The following AGBL1 variants were observed in gnomAD, a reference collection of about 807,000 sequenced individuals.
The protein encoded by AGBL1 is cytosolic carboxypeptidase 4.
In AGBL1, 130 loss-of-function variants were observed where a neutral mutation model predicts 118.9. The observed-to-expected ratio is 1.09, with a 90% confidence interval of 0.95 to 1.26. AGBL1 has a LOEUF of 1.26. AGBL1 is among the 50% of genes most tolerant of loss of function. AGBL1 has a pLI of 0.00. For missense variants in AGBL1, 1,584 were observed against 1,298.1 expected, an observed-to-expected ratio of 1.22 and a Z score of -3.38; for synonymous variants, 555 against 478.9, an observed-to-expected ratio of 1.16 and a Z score of -2.08.
intron 22 of AGBL1, among the ~76,000 whole-genome samples, chr15:86,884,211 A>G (rs889455083): frequency 2.0e-5 from 3 of 152,220 alleles, no homozygotes; most frequent in African/African-American, 7.2e-5. Context: ...TAAGTACTTC[A>G]ACATAATGAC....
intron 21 of AGBL1, among the ~76,000 whole-genome samples, chr15:86,628,529 G>T (rs1317048241): frequency 6.6e-6 from 1 of 152,158 alleles, no homozygotes; most frequent in Non-Finnish European, 1.5e-5. Context: ...GGGCGCAGTG[G>T]CTCATGCCTG....
chr15:86,319,887 G>C (rs2080078745), intron 17 of AGBL1, among the ~76,000 whole-genome samples: 1 of 150,722 alleles, frequency 6.6e-6, no homozygotes, highest in Non-Finnish European at 1.5e-5. Context: ...CTCCCGAGTA[G>C]CTGGGATTAC....
chr15:86,277,212 G>A (rs2079268334), intron 15 of AGBL1, among the ~76,000 whole-genome samples: 1 of 151,036 alleles, frequency 6.6e-6, no homozygotes, highest in South Asian at 2.1e-4. Flanking sequence ...ACTTGTTGGT[G>A]GGGAGCCTTT....
In AGBL1 at chr15:86,719,873, A is replaced by G. The variant is rs547987241; in HGVS notation, c.3158+45437A>G. Among the ~76,000 whole-genome samples the G allele has an allele frequency of 3.3e-5, 5 of 152,272 alleles. No individual in the cohort carries two copies. In the East Asian group the frequency reaches 5.8e-4, roughly 18 times the overall value. On this transcript the variant is annotated intron_variant, in intron 22 of 22. Transcript: ENST00000614907. ...GGAGGATGAGGATAATGTGTGTTCAATGTCCAGCACATGCTAGTGCTCTCT... is the reference window on the plus strand; with the variant it reads ...GGAGGATGAGGATAATGTGTGTTCAGTGTCCAGCACATGCTAGTGCTCTCT...
intron 23 of AGBL1, among the ~76,000 whole-genome samples, chr15:86,963,000 C>T (rs761884835): frequency 7.2e-5 from 11 of 151,986 alleles, no homozygotes; most frequent in Admixed American, 3.9e-4. Context: ...TCTTTTAAAA[C>T]GTGACGATTA....
chr15:86,998,782 A>T (rs2081404014), intron 24 of AGBL1, among the ~76,000 whole-genome samples: 1 of 152,242 alleles, frequency 6.6e-6, no homozygotes, highest in East Asian at 1.9e-4. Context: ...GCAGAAAAAG[A>T]CACTTCTGAC....
chr15:86,717,516 C>G (rs2086655849), intron 22 of AGBL1, among the ~76,000 whole-genome samples: 3 of 152,008 alleles, frequency 2.0e-5, no homozygotes, highest in Non-Finnish European at 1.5e-5. Flanking sequence ...CATTACAATT[C>G]TTATATAGCC....
chr15:86,899,341 CT>C (rs1201805680), intron 22 of AGBL1, among the ~76,000 whole-genome samples: 1 of 152,048 alleles, frequency 6.6e-6, no homozygotes, highest in Non-Finnish European at 1.5e-5. Flanking sequence ...ATGATGAGAA[CT>C]TTTAAACCCA....
In AGBL1 at chr15:86,349,217, C is replaced by A. The variant is rs200448702; in HGVS notation, c.2375-48149C>A. On this transcript the variant is annotated intron_variant, in intron 17 of 22. Transcript: ENST00000614907. ...TTTTGGACTTCTAGCCTCCACAACT[C>A]TGAGAATATAAAGCCATTGTTTTAA... is the stretch of plus-strand genomic sequence containing the variant. 2.6e-5 allele frequency among the ~76,000 whole-genome samples: 4 copies of A among 152,278 alleles called. No homozygotes were observed. In the East Asian group the frequency reaches 7.7e-4, roughly 29 times the overall value.
intron 17 of AGBL1, among the ~76,000 whole-genome samples, chr15:86,317,751 A>T (rs2141836951): frequency 6.6e-6 from 1 of 152,360 alleles, no homozygotes; most frequent in East Asian, 1.9e-4. Context: ...CTGAGCTCTG[A>T]CTTTGTCACA....
chr15:86,517,868 C>A (rs555079922), intron 18 of AGBL1, among the ~76,000 whole-genome samples: 13 of 152,126 alleles, frequency 8.5e-5, no homozygotes, highest in Admixed American at 1.3e-4. Flanking sequence ...GGCCGATAGT[C>A]CCCCATGCTC....
chr15:87,028,969 C>T, exon 25 of AGBL1: 3 of 961,290 alleles, frequency 3.1e-6, no homozygotes, highest in Non-Finnish European at 4.8e-6. Flanking sequence ...GCTCCATCAT[C>T]CCTGCACTCC....
chr15:86,964,782 AC>A (rs1238233767), intron 23 of AGBL1, among the ~76,000 whole-genome samples: 1 of 149,706 alleles, frequency 6.7e-6, no homozygotes, highest in East Asian at 2.0e-4. Flanking sequence ...TCCCTCCCCT[AC>A]CCCCCAACCC....
intron 22 of AGBL1, among the ~76,000 whole-genome samples, chr15:86,721,599 A>G (rs1351040009): frequency 3.9e-5 from 6 of 152,344 alleles, no homozygotes; most frequent in East Asian, 1.9e-4. Flanking sequence ...CTGGCACAAG[A>G]CAGGGATGCC....
intron 18 of AGBL1, among the ~76,000 whole-genome samples, chr15:86,521,926 A>AC (rs980315303): frequency 6.6e-6 from 1 of 151,976 alleles, no homozygotes; most frequent in African/African-American, 2.4e-5. Flanking sequence ...TAGCTCATTG[A>AC]CCCTACTGAG....
intron 22 of AGBL1, among the ~76,000 whole-genome samples, chr15:86,857,523 C>T (rs1437972833): frequency 6.6e-6 from 1 of 152,178 alleles, no homozygotes; most frequent in African/African-American, 2.4e-5. Context: ...TTCACTTCGC[C>T]CCACCTGCCT....
At chr15:86,414,871 T>A (rs2081668603) in intron 18 of AGBL1, among the ~76,000 whole-genome samples, 1 of 152,162 alleles carries the variant, frequency 6.6e-6, no homozygotes, top group African/African-American at 2.4e-5. Flanking sequence ...GGAGCTGTAT[T>A]GCTTGGGTTT....
At chr15:87,005,081 CT>C (rs1298364981) in intron 24 of AGBL1, among the ~76,000 whole-genome samples, 1 of 152,176 alleles carries the variant, frequency 6.6e-6, no homozygotes, top group Non-Finnish European at 1.5e-5. Context: ...ATGGGCTTCC[CT>C]TTGTGGGTAA....
At chr15:86,641,734 T>G (rs926563828) in intron 21 of AGBL1, among the ~76,000 whole-genome samples, 2 of 152,032 alleles carry the variant, frequency 1.3e-5, no homozygotes, top group African/African-American at 4.8e-5. Context: ...TTGGGCAACA[T>G]AGTGAGACTC....
Sources: allele counts gnomAD v4.1 joint callset (sites outside exome capture counted in the v4.1 genomes callset), GRCh38; gene constraint gnomAD v4.1.1; transcripts MANE v1.5; gene names NCBI Gene and HGNC (gene_info 2026-07-23, HGNC 2026-07-21).